The following DYNC1I1 variants were observed in gnomAD, a reference collection of about 807,000 sequenced individuals.
DYNC1I1 encodes the protein dynein cytoplasmic 1 intermediate chain 1, also known as cytoplasmic dynein 1 intermediate chain 1.
DYNC1I1 carries 43 observed loss-of-function variants against 86.6 expected under a neutral mutation model. The observed-to-expected ratio is 0.50, with a 90% CI of 0.39 to 0.64. The LOEUF (loss-of-function observed/expected upper bound fraction) is 0.64. Ranked by LOEUF, DYNC1I1 falls within the 30% of genes least tolerant of loss-of-function variation. DYNC1I1 has a pLI of 0.00. For synonymous variants in DYNC1I1, 262 were observed against 283.7 expected (o/e 0.92, Z 0.77); for missense variants, 604 against 788.8 (o/e 0.77, Z 2.81).
rs753196929 is a variant in DYNC1I1, at chr7:95,813,353, T to C, written c.314+16T>C. On this transcript the variant is annotated intron_variant, in intron 4 of 16. Transcript: ENST00000447467. Reference sequence around the variant, plus strand: ...CATTAACAAGGTAAGAATTGTCCCTTTAAAAGGCCATGATGGGTGTCAATT... The same window carrying C: ...CATTAACAAGGTAAGAATTGTCCCTCTAAAAGGCCATGATGGGTGTCAATT... 6.2e-7 allele frequency: 1 copy of C among 1,600,948 alleles called. No homozygotes were observed. The highest frequency in any genetic ancestry group is 1.8e-5 in the Admixed American group (1 of 56,784).
intron 6 of DYNC1I1, among the ~76,000 whole-genome samples, chr7:95,925,027 T>G (rs1791706761): frequency 1.3e-5 from 2 of 152,192 alleles, no homozygotes; most frequent in Admixed American, 1.3e-4. Context: ...TAATCCTTGG[T>G]GACTTAAGGT....
chr7:96,092,126 G>T (rs986730602), intron 16 of DYNC1I1, among the ~76,000 whole-genome samples: 3 of 151,780 alleles, frequency 2.0e-5, no homozygotes, highest in African/African-American at 7.3e-5. Context: ...TGACTACTTA[G>T]GAAATTATTT....
At chr7:96,075,133 A>G (rs544815503) in intron 14 of DYNC1I1, among the ~76,000 whole-genome samples, 79 of 152,354 alleles carry the variant, frequency 5.2e-4, no homozygotes, top group African/African-American at 1.8e-3. Flanking sequence ...ATGAAGTCCA[A>G]TTACGTTTTA....
intron 6 of DYNC1I1, among the ~76,000 whole-genome samples, chr7:95,936,832 G>A (rs1257885644): frequency 6.6e-6 from 1 of 151,732 alleles, no homozygotes; most frequent in African/African-American, 2.4e-5. Context: ...ACATGATTGG[G>A]GACAAGACTG....
intron 5 of DYNC1I1, among the ~76,000 whole-genome samples, chr7:95,847,663 T>C (rs1224069203): frequency 6.6e-6 from 1 of 152,228 alleles, no homozygotes; most frequent in Non-Finnish European, 1.5e-5. Flanking sequence ...CTGGCCTCAA[T>C]ATACCTCTCT....
At chr7:95,810,597 G>GT (rs1421539888) in intron 3 of DYNC1I1, 91 bp downstream of exon 3, 105 of 1,077,366 alleles carry the variant, frequency 9.7e-5, no homozygotes, top group South Asian at 1.8e-4. Context: ...TAAGTCTTTA[G>GT]TTTTTTTTAA....
chr7:95,778,663 A>G (rs1184841654), intron 1 of DYNC1I1, among the ~76,000 whole-genome samples: 2 of 151,714 alleles, frequency 1.3e-5, no homozygotes, highest in African/African-American at 4.8e-5. Flanking sequence ...TTATTTATTT[A>G]TTTATTTATT....
intron 10 of DYNC1I1, among the ~76,000 whole-genome samples, chr7:95,996,545 A>G (rs922675381): frequency 2.0e-5 from 3 of 152,222 alleles, no homozygotes; most frequent in Admixed American, 6.5e-5. Context: ...GGCAAGACTT[A>G]CCACTCGTAT....
At chr7:95,784,951 G>A (rs928971067) in intron 1 of DYNC1I1, among the ~76,000 whole-genome samples, 3 of 152,104 alleles carry the variant, frequency 2.0e-5, no homozygotes. Context: ...TAAACAAGGG[G>A]GCAGGTGCCA....
intron 4 of DYNC1I1, chr7:95,818,558 C>T (rs1231251097): frequency 1.5e-6 from 1 of 655,350 alleles, no homozygotes. Flanking sequence ...AAATGATTCT[C>T]CTCCCTCTTC....
chr7:95,894,980 C>T (rs570574022), intron 6 of DYNC1I1, among the ~76,000 whole-genome samples: 106 of 152,230 alleles, frequency 7.0e-4, no homozygotes, highest in African/African-American at 2.4e-3. Flanking sequence ...TGACCAATGC[C>T]GGCTGCAGGC....
In DYNC1I1 at chr7:95,810,033, A is replaced by G. The variant is rs371336525; in HGVS notation, c.109-359A>G. ...GAATATTACAAACACACAGTCATCA[A>G]TAACTGATATCCCAGAAGGGACAAG... On this transcript the variant is annotated intron_variant, in intron 2 of 16. Coordinates refer to ENST00000447467, the MANE Select transcript of DYNC1I1 (RefSeq NM_001135556.2). Among the ~76,000 whole-genome samples, 27 of 152,322 alleles carry G rather than the reference A, an allele frequency of 1.8e-4. No individual in the cohort carries two copies. In the East Asian group the frequency reaches 5.0e-3, roughly 28 times the overall value.
At chr7:96,005,708 C>T (rs1032064782) in intron 10 of DYNC1I1, among the ~76,000 whole-genome samples, 2 of 152,226 alleles carry the variant, frequency 1.3e-5, no homozygotes, top group East Asian at 1.9e-4. Context: ...TGAAAACATT[C>T]GGCAGATATG....
intron 7 of DYNC1I1, among the ~76,000 whole-genome samples, chr7:95,984,414 A>G (rs1269367208): frequency 6.6e-6 from 1 of 152,194 alleles, no homozygotes; most frequent in Admixed American, 6.5e-5. Flanking sequence ...ATTATTTAAT[A>G]TTGCCAGCTT....
At chr7:95,905,638 G>A (rs537788349) in intron 6 of DYNC1I1, among the ~76,000 whole-genome samples, 22 of 151,868 alleles carry the variant, frequency 1.4e-4, no homozygotes, top group Non-Finnish European at 2.1e-4. Flanking sequence ...TTCGCCAGGG[G>A]GTTTGTCTTT....
chr7:95,835,708 T>A (rs1279252941), intron 5 of DYNC1I1, among the ~76,000 whole-genome samples: 5 of 152,100 alleles, frequency 3.3e-5, no homozygotes, highest in African/African-American at 9.7e-5. Flanking sequence ...GTTGAATTGA[T>A]CCCTTTACCA....
chr7:95,984,236 G>A (rs558305313), intron 7 of DYNC1I1, among the ~76,000 whole-genome samples: 42 of 152,252 alleles, frequency 2.8e-4, no homozygotes, highest in African/African-American at 9.9e-4. Flanking sequence ...AAAAGCAGAA[G>A]ATCTTGAGTG....
At chr7:96,038,073 T>C (rs1391320518) in intron 13 of DYNC1I1, among the ~76,000 whole-genome samples, 2 of 152,310 alleles carry the variant, frequency 1.3e-5, no homozygotes, top group East Asian at 3.9e-4. Flanking sequence ...TTCCTCGGGT[T>C]CATTAGAACA....
At chr7:95,964,801 A>C (rs1250348926) in intron 6 of DYNC1I1, among the ~76,000 whole-genome samples, 1 of 152,214 alleles carries the variant, frequency 6.6e-6, no homozygotes, top group Admixed American at 6.5e-5. Flanking sequence ...GGGAGGCCTC[A>C]CAGATGATGT....
Sources: gnomAD v4.1 joint callset for allele counts (sites outside exome capture counted in the v4.1 genomes callset) on GRCh38, gnomAD v4.1.1 for gene constraint, MANE v1.5 for transcripts, NCBI Gene and HGNC (gene_info 2026-07-23, HGNC 2026-07-21) for gene names.